Variants in IMMP2L observed in about 807,000 individuals in gnomAD.
The protein encoded by IMMP2L is mitochondrial inner membrane protease subunit 2.
IMMP2L carries 18 observed loss-of-function variants against 19.3 expected under a neutral mutation model. That is an observed-to-expected ratio of 0.93 (90% CI 0.64 to 1.38). The LOEUF is 1.38. Ranked by LOEUF, IMMP2L falls within the 40% of genes most tolerant of loss-of-function variation. The probability of loss-of-function intolerance (pLI) is 0.00; values close to 1 mark genes in which losing one functional copy is unlikely to be tolerated. For synonymous variants in IMMP2L, 76 were observed against 73.0 expected (o/e 1.04, Z -0.21); for missense variants, 233 against 218.2 (o/e 1.07, Z -0.43).
At chr7:111,000,031 A>G (rs1585674510) in intron 3 of IMMP2L, among the ~76,000 whole-genome samples, 1 of 152,120 alleles carries the variant, frequency 6.6e-6, no homozygotes, top group African/African-American at 2.4e-5. Flanking sequence ...AGTTTTCCCA[A>G]GTGGATCCAT....
intron 3 of IMMP2L, chr7:111,122,827 C>T: frequency 6.2e-7 from 1 of 1,613,900 alleles, no homozygotes; most frequent in South Asian, 1.1e-5. Flanking sequence ...TATCACTACA[C>T]TAGTACAAGC....
intron 5 of IMMP2L, among the ~76,000 whole-genome samples, chr7:110,686,310 A>G (rs1049326767): frequency 4.0e-5 from 6 of 151,810 alleles, no homozygotes; most frequent in Admixed American, 1.3e-4. Flanking sequence ...GAATGTACCT[A>G]TTTCTTGAGG....
chr7:110,689,396 T>A (rs1354271168), intron 5 of IMMP2L, among the ~76,000 whole-genome samples: 1 of 152,162 alleles, frequency 6.6e-6, no homozygotes, highest in Non-Finnish European at 1.5e-5. Flanking sequence ...TTAGCTGCTA[T>A]TAGATATTTT....
rs755096505 is a variant in IMMP2L, at chr7:111,124,264, G to T, written c.240-160699C>A. On this transcript the variant is annotated intron_variant, in intron 3 of 5. Transcript: ENST00000405709. Reference sequence around the variant, plus strand: ...AGAAGGGGGTTTATATACTTGTATAGCAACTAACCTAGTTGGCGCTGACTT... The same window carrying T: ...AGAAGGGGGTTTATATACTTGTATATCAACTAACCTAGTTGGCGCTGACTT... 3 of 1,613,964 alleles carry T rather than the reference G, an allele frequency of 1.9e-6. No homozygotes were observed. The Admixed American group carries it at 5.0e-5, about 27-fold the overall frequency.
intron 4 of IMMP2L, among the ~76,000 whole-genome samples, chr7:110,907,853 T>C (rs1056828449): frequency 2.0e-5 from 3 of 152,072 alleles, no homozygotes; most frequent in Middle Eastern, 6.3e-3. Context: ...AGTGGGGCAA[T>C]TGGTGGGGGG....
intron 3 of IMMP2L, among the ~76,000 whole-genome samples, chr7:111,059,233 C>T (rs1366634147): frequency 6.6e-6 from 1 of 152,132 alleles, no homozygotes; most frequent in Non-Finnish European, 1.5e-5. Flanking sequence ...CCGCCTGCCT[C>T]GGCCTCTCAA....
At chr7:110,950,512 T>C (rs1462376493) in intron 4 of IMMP2L, among the ~76,000 whole-genome samples, 1 of 152,036 alleles carries the variant, frequency 6.6e-6, no homozygotes, top group East Asian at 1.9e-4. Flanking sequence ...GAAAACACTA[T>C]GGAGGTTCTT....
chr7:111,336,641 G>A (rs1015021198), intron 3 of IMMP2L, among the ~76,000 whole-genome samples: 5 of 151,772 alleles, frequency 3.3e-5, no homozygotes, highest in Admixed American at 6.6e-5. Context: ...TCATATTCAT[G>A]CATTCATGTT....
chr7:111,273,755 C>G (rs1254913594), intron 3 of IMMP2L, among the ~76,000 whole-genome samples: 1 of 151,912 alleles, frequency 6.6e-6, no homozygotes, highest in Non-Finnish European at 1.5e-5. Flanking sequence ...GCCAAAACCA[C>G]AAATATTACA....
chr7:111,264,867 T>G (rs1357417137), intron 3 of IMMP2L, among the ~76,000 whole-genome samples: 1 of 152,068 alleles, frequency 6.6e-6, no homozygotes, highest in Non-Finnish European at 1.5e-5. Context: ...CAGCATGATA[T>G]GCTGTAGGGC....
intron 3 of IMMP2L, among the ~76,000 whole-genome samples, chr7:111,337,379 C>A (rs186722188): frequency 7.2e-5 from 11 of 152,086 alleles, no homozygotes; most frequent in Admixed American, 4.6e-4. Flanking sequence ...TACTTTTTTT[C>A]TATCTTCCAT....
At chr7:111,223,230 C>T (rs1415233289) in intron 3 of IMMP2L, among the ~76,000 whole-genome samples, 4 of 151,780 alleles carry the variant, frequency 2.6e-5, no homozygotes, top group South Asian at 2.1e-4. Context: ...CACAGCCTCA[C>T]GACAAGGTAT....
chr7:111,290,495 A>T (rs1345923972), intron 3 of IMMP2L, among the ~76,000 whole-genome samples: 1 of 151,094 alleles, frequency 6.6e-6, no homozygotes, highest in Non-Finnish European at 1.5e-5. Context: ...AGCATGATTG[A>T]CTTCTTTTTA....
chr7:111,289,177 C>G (rs1187844079), intron 3 of IMMP2L, among the ~76,000 whole-genome samples: 1 of 151,600 alleles, frequency 6.6e-6, no homozygotes, highest in Non-Finnish European at 1.5e-5. Context: ...AACAGAAAAC[C>G]AAACACCACA....
chr7:111,290,512 A>G (rs1230228001), intron 3 of IMMP2L, among the ~76,000 whole-genome samples: 2 of 152,150 alleles, frequency 1.3e-5, no homozygotes, highest in Non-Finnish European at 2.9e-5. Flanking sequence ...TTTAAAAAAA[A>G]AAAAAATGAA....
intron 3 of IMMP2L, among the ~76,000 whole-genome samples, chr7:110,981,966 G>T (rs1039226127): frequency 6.6e-5 from 10 of 152,124 alleles, no homozygotes; most frequent in African/African-American, 2.4e-4. Context: ...AGAGGAATAA[G>T]AAACTAAATA....
chr7:110,776,595 G>A (rs1441802885), intron 5 of IMMP2L, among the ~76,000 whole-genome samples: 1 of 151,980 alleles, frequency 6.6e-6, no homozygotes, highest in African/African-American at 2.4e-5. Flanking sequence ...TTGTTGAATT[G>A]AGTAGGAATT....
At chr7:110,839,216 C>T (rs1231445087) in intron 5 of IMMP2L, among the ~76,000 whole-genome samples, 1 of 151,942 alleles carries the variant, frequency 6.6e-6, no homozygotes, top group Non-Finnish European at 1.5e-5. Flanking sequence ...AAAACTAATT[C>T]CATTCGCTAT....
intron 3 of IMMP2L, among the ~76,000 whole-genome samples, chr7:111,132,494 T>C (rs2129594368): frequency 6.6e-6 from 1 of 152,140 alleles, no homozygotes; most frequent in Admixed American, 6.5e-5. Flanking sequence ...TTCATCCTTG[T>C]GAGTACTGAC....
Sources: allele counts gnomAD v4.1 joint callset (sites outside exome capture counted in the v4.1 genomes callset), GRCh38; gene constraint gnomAD v4.1.1; transcripts MANE v1.5; gene names NCBI Gene and HGNC (gene_info 2026-07-23, HGNC 2026-07-21).